Variants in CEP128 observed in about 807,000 individuals in gnomAD.
CEP128 encodes the protein centrosomal protein 128kDa.
Under a neutral mutation model 156.7 loss-of-function variants are expected in CEP128, and 132 were observed. That is an observed-to-expected ratio of 0.84 (90% CI 0.73 to 0.97). The LOEUF is 0.97. CEP128 is among the 50% of genes least tolerant of loss of function. The pLI is 0.00. For synonymous variants in CEP128, 469 were observed against 448.9 expected (o/e 1.04, Z -0.57); for missense variants, 1,252 against 1,281.9 (o/e 0.98, Z 0.36).
At chr14:80,562,332 T>C (rs1039120667) in intron 20 of CEP128, among the ~76,000 whole-genome samples, 24 of 111,800 alleles carry the variant, frequency 2.1e-4, no homozygotes, top group Non-Finnish European at 3.6e-4. Context: ...ACAGAAAATT[T>C]AGTTCATTAA....
chr14:80,741,995 A>T (rs1898856344), intron 19 of CEP128, among the ~76,000 whole-genome samples: 1 of 152,150 alleles, frequency 6.6e-6, no homozygotes, highest in African/African-American at 2.4e-5. Context: ...CCCCACAGGG[A>T]CCTCAGCAGA....
intron 20 of CEP128, among the ~76,000 whole-genome samples, chr14:80,571,829 C>T (rs1368263525): frequency 7.7e-6 from 1 of 129,432 alleles, no homozygotes; most frequent in Non-Finnish European, 1.6e-5. Flanking sequence ...TGAGGAGATT[C>T]TGTTTTTCAT....
At chr14:80,584,658 C>A (rs1891738575) in intron 19 of CEP128, among the ~76,000 whole-genome samples, 1 of 152,156 alleles carries the variant, frequency 6.6e-6, no homozygotes. Context: ...CGCTGAGAAG[C>A]ACCACTCTAT....
At chr14:80,549,582 G>A (rs1030027317) in intron 21 of CEP128, among the ~76,000 whole-genome samples, 6 of 152,298 alleles carry the variant, frequency 3.9e-5, no homozygotes, top group Non-Finnish European at 8.8e-5. Context: ...TTTCCTTAGC[G>A]TCAAGATTCT....
At position 80,530,876 on chromosome 14, in the gene CEP128, A is replaced by C; in HGVS notation, c.2891T>G (p.Val964Gly). Residue 964 changes from valine to glycine, a missense_variant, in exon 22 of 25, where the codon GTG (valine) becomes GGG (glycine). Coordinates refer to ENST00000555265, the MANE Select transcript of CEP128 (RefSeq NM_152446.5). ...RVIALETSTQVALDHLESVPE... is the reference protein window; with the variant it reads ...RVIALETSTQGALDHLESVPE... Reference sequence around the variant, plus strand: ...CACAGACTCCAGATGGTCCAAGGCCACTTGGGTACTCTGAAATAGAAAACA... The same window carrying C: ...CACAGACTCCAGATGGTCCAAGGCCCCTTGGGTACTCTGAAATAGAAAACA... The C allele has an allele frequency of 4.4e-6, 7 of 1,600,890 alleles. No individual in the cohort carries two copies. Among genetic ancestry groups the C allele is most frequent in the Non-Finnish European group, 6.0e-6 (7 of 1,172,380 alleles).
intron 9 of CEP128, among the ~76,000 whole-genome samples, chr14:80,859,513 A>G (rs1377099213): frequency 6.6e-5 from 10 of 151,884 alleles, no homozygotes; most frequent in African/African-American, 2.4e-4. Flanking sequence ...TAACCTGCAC[A>G]TTGTGCACAT....
At chr14:80,863,076 C>G (rs1291642600) in intron 8 of CEP128, among the ~76,000 whole-genome samples, 1 of 152,164 alleles carries the variant, frequency 6.6e-6, no homozygotes, top group Non-Finnish European at 1.5e-5. Flanking sequence ...CATCACTGAT[C>G]TCCAAATAAT....
chr14:80,756,864 AT>A (rs1477432220), intron 18 of CEP128, 27 bp downstream of exon 18: 1 of 1,438,816 alleles, frequency 7.0e-7, no homozygotes, highest in African/African-American at 1.4e-5. Context: ...AAATATTACA[AT>A]AACTTTAGGA....
chr14:80,626,180 C>T (rs1352440591), intron 19 of CEP128, among the ~76,000 whole-genome samples: 2 of 152,244 alleles, frequency 1.3e-5, no homozygotes, highest in East Asian at 3.9e-4. Context: ...AAGAGTGAGA[C>T]AGGGCCGGGC....
At chr14:80,775,850 T>TTA (rs1900758080) in intron 16 of CEP128, among the ~76,000 whole-genome samples, 1 of 152,252 alleles carries the variant, frequency 6.6e-6, no homozygotes, top group Non-Finnish European at 1.5e-5. Context: ...TTATTTTTTT[T>TTA]GAGATGGAGT....
chr14:80,758,662 A>G (rs1899799255), intron 17 of CEP128, among the ~76,000 whole-genome samples: 1 of 152,232 alleles, frequency 6.6e-6, no homozygotes, highest in African/African-American at 2.4e-5. Flanking sequence ...AAAAAGCACT[A>G]TAACAGGCAT....
chr14:80,837,074 A>G (rs1003849942), intron 11 of CEP128, among the ~76,000 whole-genome samples: 11 of 152,248 alleles, frequency 7.2e-5, no homozygotes, highest in Admixed American at 6.5e-5. Context: ...ATTCCATGTG[A>G]CCACTGGCTG....
intron 22 of CEP128, among the ~76,000 whole-genome samples, chr14:80,528,312 G>A (rs1372916107): frequency 2.0e-5 from 3 of 152,044 alleles, no homozygotes; most frequent in Non-Finnish European, 2.9e-5. Flanking sequence ...TTTTTGAGAC[G>A]GAGTCTCACT....
chr14:80,820,479 T>TTAGACTCC (rs1885105109), intron 13 of CEP128, among the ~76,000 whole-genome samples: 1 of 152,218 alleles, frequency 6.6e-6, no homozygotes, highest in Non-Finnish European at 1.5e-5. Context: ...TTGAGTTCAT[T>TTAGACTCC]TAGACTCCTA....
At chr14:80,779,444 A>T (rs1388618251) in intron 15 of CEP128, among the ~76,000 whole-genome samples, 1 of 152,216 alleles carries the variant, frequency 6.6e-6, no homozygotes, top group Admixed American at 6.5e-5. Flanking sequence ...AAAATCTCTC[A>T]TCAGGAAAAT....
At chr14:80,616,303 C>T (rs1161867463) in intron 19 of CEP128, among the ~76,000 whole-genome samples, 1 of 152,180 alleles carries the variant, frequency 6.6e-6, no homozygotes, top group African/African-American at 2.4e-5. Flanking sequence ...TGTATGAGTG[C>T]TCACTGTACC....
intron 9 of CEP128, among the ~76,000 whole-genome samples, chr14:80,853,278 G>C (rs757668127): frequency 1.3e-4 from 19 of 151,126 alleles, no homozygotes; most frequent in Non-Finnish European, 2.2e-4. Flanking sequence ...TTTAATATTA[G>C]ACTTCAGGTT....
chr14:80,618,912 A>G (rs1213020179), intron 19 of CEP128, among the ~76,000 whole-genome samples: 1 of 152,220 alleles, frequency 6.6e-6, no homozygotes, highest in African/African-American at 2.4e-5. Flanking sequence ...TCGATAAACC[A>G]AACTGTGAAT....
chr14:80,701,129 T>C (rs750983629), intron 19 of CEP128, among the ~76,000 whole-genome samples: 14 of 151,986 alleles, frequency 9.2e-5, no homozygotes, highest in Non-Finnish European at 1.6e-4. Context: ...AGAAAAGAGA[T>C]TGTCTCTCAG....
Sources: allele counts gnomAD v4.1 joint callset (sites outside exome capture counted in the v4.1 genomes callset), GRCh38; gene constraint gnomAD v4.1.1; transcripts MANE v1.5; gene names NCBI Gene and HGNC (gene_info 2026-07-23, HGNC 2026-07-21).